Variants in PACSIN2 observed in about 807,000 individuals in gnomAD.
PACSIN2 encodes the protein protein kinase C and casein kinase substrate in neurons 2, also known as protein kinase C and casein kinase substrate in neurons protein 2.
In PACSIN2, 25 loss-of-function variants were observed where a neutral mutation model predicts 63.8. The ratio of observed to expected loss-of-function variants is 0.39; its 90% CI spans 0.29 to 0.55. The LOEUF (loss-of-function observed/expected upper bound fraction) is 0.55. PACSIN2 is among the 20% of genes least tolerant of loss of function. The pLI, the probability that PACSIN2 is intolerant of heterozygous loss-of-function variation, is 0.62. For synonymous variants in PACSIN2, 255 were observed against 256.2 expected, an observed-to-expected ratio of 1.00 and a Z score of 0.05; for missense variants, 518 against 646.9, an observed-to-expected ratio of 0.80 and a Z score of 2.16.
intron 1 of PACSIN2, among the ~76,000 whole-genome samples, chr22:42,926,618 A>G (rs951770347): frequency 6.6e-6 from 1 of 151,994 alleles, no homozygotes; most frequent in Non-Finnish European, 1.5e-5. Context: ...GAGAGGGGGG[A>G]AAACACATCT....
At chr22:42,929,938 G>A (rs1932752310) in intron 1 of PACSIN2, among the ~76,000 whole-genome samples, 1 of 152,182 alleles carries the variant, frequency 6.6e-6, no homozygotes, top group Admixed American at 6.5e-5. Flanking sequence ...CTCTCACACA[G>A]GGCTCCTTCC....
chr22:42,998,252 G>A (rs1232117706), intron 1 of PACSIN2, among the ~76,000 whole-genome samples: 1 of 152,186 alleles, frequency 6.6e-6, no homozygotes, highest in Non-Finnish European at 1.5e-5. Context: ...AATTCCTTCA[G>A]GGACCGTGAA....
At chr22:42,946,414 G>C (rs1443964080) in intron 1 of PACSIN2, among the ~76,000 whole-genome samples, 1 of 152,216 alleles carries the variant, frequency 6.6e-6, no homozygotes, top group African/African-American at 2.4e-5. Flanking sequence ...AGCCTGGCGA[G>C]AGCAGCAATG....
chr22:42,978,005 A>G lies in PACSIN2; in HGVS notation c.-78+37016T>C, dbSNP rs568202252. ...ATACATTGCTAGTACAAGTCTGAAA[A>G]AGACTAGAGCAATTCAGTGTGACAT... On this transcript the variant is annotated intron_variant, in intron 1 of 10. Transcript: ENST00000263246. Among the ~76,000 whole-genome samples the G allele has an allele frequency of 5.3e-5, 8 of 152,320 alleles. 1 individual carries two copies. The South Asian group carries it at 1.7e-3, about 32-fold the overall frequency.
At chr22:42,939,898 C>T (rs188644137) in intron 1 of PACSIN2, among the ~76,000 whole-genome samples, 13 of 152,320 alleles carry the variant, frequency 8.5e-5, no homozygotes, top group Admixed American at 7.2e-4. Flanking sequence ...GAGATGGCAG[C>T]GTGCAAGATA....
chr22:42,999,792 G>C (rs1175092047), intron 1 of PACSIN2, among the ~76,000 whole-genome samples: 1 of 152,194 alleles, frequency 6.6e-6, no homozygotes, highest in Non-Finnish European at 1.5e-5. Flanking sequence ...CCAGTGCTTT[G>C]AAGAGAGAAC....
chr22:42,905,614 T>A (rs1931020523), intron 2 of PACSIN2, among the ~76,000 whole-genome samples: 1 of 152,244 alleles, frequency 6.6e-6, no homozygotes, highest in African/African-American at 2.4e-5. Context: ...AAAGTGGAAT[T>A]TGATTTTTCC....
chr22:42,925,358 T>C (rs932524484), intron 1 of PACSIN2, among the ~76,000 whole-genome samples: 10 of 151,884 alleles, frequency 6.6e-5, no homozygotes, highest in South Asian at 6.2e-4. Context: ...CGCATGCCTG[T>C]AGTTCCAGCT....
chr22:43,008,270 A>G (rs1191037197), intron 1 of PACSIN2, among the ~76,000 whole-genome samples: 1 of 151,480 alleles, frequency 6.6e-6, no homozygotes, highest in Non-Finnish European at 1.5e-5. Flanking sequence ...TTTTTTTTTG[A>G]GACAGAGTCT....
intron 2 of PACSIN2, among the ~76,000 whole-genome samples, chr22:42,899,171 G>A (rs545923071): frequency 3.3e-4 from 51 of 152,304 alleles, no homozygotes; most frequent in Middle Eastern, 3.4e-3. Context: ...GCTTTCCACA[G>A]GGTCTACCGC....
chr22:42,888,787 T>C lies in PACSIN2; in HGVS notation c.465A>G (p.Ala155=). Residue 155 remains alanine (A), a synonymous_variant, in exon 5 of 11, where the codon GCA becomes GCG. Transcript: ENST00000263246. ...TGCACGCTGCATGGTGGGCTTTCTT[T>C]GCTGCTTCTACCTACAGGGAGAATG... ...WAKKLKEVEA[A]KKAHHAACKE... 1 of 1,614,192 alleles carries C rather than the reference T, an allele frequency of 6.2e-7. No homozygotes were observed. The highest frequency in any genetic ancestry group is 8.5e-7 in the Non-Finnish European group (1 of 1,180,016).
At position 42,920,793 on chromosome 22, in the gene PACSIN2, CTTTTTTT is replaced by C. The variant is rs745822264; in HGVS notation, c.-77-8643_-77-8637del. ...GGGTCAATTATCATGAATTATCACA[CTTTTTTT>C]TTTTTTTTTTTTTTTTTTTTGAGAC... On this transcript the variant is annotated intron_variant, in intron 1 of 10. Coordinates refer to ENST00000263246, the MANE Select transcript of PACSIN2 (RefSeq NM_001184970.3). Among the ~76,000 whole-genome samples the C allele has an allele frequency of 6.3e-3, 491 of 77,668 alleles. 3 individuals carry two copies. Among genetic ancestry groups the C allele is most frequent in the African/African-American group, 0.027 (443 of 16,686 alleles). 51.0% of individuals were successfully genotyped at this position (77,668 alleles called of 152,430 possible).
At chr22:42,888,959 G>A (rs977127700) in intron 4 of PACSIN2, among the ~76,000 whole-genome samples, 161 bp from the exon 5 acceptor site, 4 of 152,174 alleles carry the variant, frequency 2.6e-5, no homozygotes, top group Non-Finnish European at 4.4e-5. Context: ...CAACAGGAAC[G>A]CACTCAACAC....
At position 42,959,348 on chromosome 22, in the gene PACSIN2, T is replaced by G. The variant is rs542849310; in HGVS notation, c.-77-47191A>C. ...TTAAAGTAGGGGGAAAAGCCCTCTA[T>G]TAACAGCTAACTCAAGTAACTCATT... On this transcript the variant is annotated intron_variant, in intron 1 of 10. Transcript: ENST00000263246. Among the ~76,000 whole-genome samples the G allele has an allele frequency of 3.3e-5, 5 of 152,204 alleles. No homozygotes were observed. The South Asian group carries it at 6.2e-4, about 19-fold the overall frequency.
At chr22:42,939,002 T>C (rs936555321) in intron 1 of PACSIN2, among the ~76,000 whole-genome samples, 1 of 152,200 alleles carries the variant, frequency 6.6e-6, no homozygotes, top group Non-Finnish European at 1.5e-5. Context: ...CCTGGTGGCA[T>C]TCAGACCGCT....
At position 42,937,396 on chromosome 22, in the gene PACSIN2, C is replaced by G. The variant is rs1197616337; in HGVS notation, c.-77-25239G>C. Among the ~76,000 whole-genome samples, 5 of 152,100 alleles carry G rather than the reference C, an allele frequency of 3.3e-5. No homozygotes were observed. In the East Asian group the frequency reaches 9.7e-4, roughly 29 times the overall value. Reference sequence around the variant, plus strand: ...TCCTGGTGAGATGGCTGTGGGTGAGCCCAGGCAGGCGGCAGTAGAAATAAC... The same window carrying G: ...TCCTGGTGAGATGGCTGTGGGTGAGGCCAGGCAGGCGGCAGTAGAAATAAC... On this transcript the variant is annotated intron_variant, in intron 1 of 10. Transcript: ENST00000263246.
chr22:43,012,808 C>A (rs909092686), intron 1 of PACSIN2, among the ~76,000 whole-genome samples: 3 of 152,152 alleles, frequency 2.0e-5, no homozygotes, highest in East Asian at 1.9e-4. Context: ...ATGAGCACCA[C>A]CACACCCAGC....
chr22:42,998,286 C>A (rs1377176886), intron 1 of PACSIN2, among the ~76,000 whole-genome samples: 1 of 152,190 alleles, frequency 6.6e-6, no homozygotes, highest in Admixed American at 6.5e-5. Flanking sequence ...TTTGCTGCTG[C>A]AGGGATTTCA....
At chr22:42,971,358 A>T (rs1921252520) in intron 1 of PACSIN2, among the ~76,000 whole-genome samples, 1 of 152,210 alleles carries the variant, frequency 6.6e-6, no homozygotes, top group Non-Finnish European at 1.5e-5. Flanking sequence ...AGGTGCCAGG[A>T]CTGCAGACGG....
Sources: allele counts gnomAD v4.1 joint callset (sites outside exome capture counted in the v4.1 genomes callset), GRCh38; gene constraint gnomAD v4.1.1; transcripts MANE v1.5; gene names NCBI Gene and HGNC (gene_info 2026-07-23, HGNC 2026-07-21).